PXDN: variants seen among roughly 807,000 people sequenced by gnomAD.
PXDN encodes the protein peroxidasin homolog.
Under a neutral mutation model 140.3 loss-of-function variants are expected in PXDN, and 77 were observed. The observed-to-expected ratio is 0.55, with a 90% confidence interval of 0.46 to 0.66. The LOEUF (loss-of-function observed/expected upper bound fraction) is 0.66. Among genes scored for constraint, PXDN ranks in the 30% least tolerant of loss-of-function variants. PXDN has a pLI of 0.00. For synonymous variants in PXDN, 911 were observed against 857.4 expected (o/e 1.06, Z -1.09); for missense variants, 1,838 against 2,039.5 (o/e 0.90, Z 1.90).
intron 14 of PXDN, among the ~76,000 whole-genome samples, chr2:1,656,114 C>A (rs182137007): frequency 3.3e-5 from 5 of 151,598 alleles, no homozygotes; most frequent in African/African-American, 1.2e-4. Context: ...CAAACACACA[C>A]CCCAAACACC....
At chr2:1,659,060 C>T (rs1372200582) in intron 14 of PXDN, among the ~76,000 whole-genome samples, 3 of 152,224 alleles carry the variant, frequency 2.0e-5, no homozygotes, top group Non-Finnish European at 4.4e-5. Flanking sequence ...GAGTCCAGCC[C>T]ACGAAGGCAT....
intron 17 of PXDN, among the ~76,000 whole-genome samples, chr2:1,646,694 C>T (rs1272728229): frequency 2.6e-5 from 4 of 152,138 alleles, no homozygotes; most frequent in Non-Finnish European, 4.4e-5. Flanking sequence ...CTAACTTCAG[C>T]GTTAAGTAAC....
intron 1 of PXDN, among the ~76,000 whole-genome samples, chr2:1,717,048 A>C (rs1684911747): frequency 1.3e-5 from 2 of 152,082 alleles, no homozygotes; most frequent in African/African-American, 4.8e-5. Flanking sequence ...AACACTCCCC[A>C]TTTTTAACTT....
At chr2:1,680,614 G>T (rs2125441621) in intron 6 of PXDN, among the ~76,000 whole-genome samples, 1 of 152,332 alleles carries the variant, frequency 6.6e-6, no homozygotes, top group Non-Finnish European at 1.5e-5. Flanking sequence ...AACCGTAGAG[G>T]CGTGAGTAGC....
intron 14 of PXDN, among the ~76,000 whole-genome samples, chr2:1,659,792 C>A (rs1035489304): frequency 6.6e-6 from 1 of 152,190 alleles, no homozygotes; most frequent in Admixed American, 6.5e-5. Context: ...TCACTTAAGA[C>A]TTTTCCTAAA....
At chr2:1,662,694 C>T (rs1683334570) in intron 12 of PXDN, among the ~76,000 whole-genome samples, 1 of 152,186 alleles carries the variant, frequency 6.6e-6, no homozygotes, top group Admixed American at 6.5e-5. Flanking sequence ...ATTCTCTATA[C>T]AGGCACCCAG....
In PXDN at chr2:1,680,668, C is replaced by T. The variant is rs562772807; in HGVS notation, c.561-306G>A. Among the ~76,000 whole-genome samples, 71 of 152,256 alleles carry T rather than the reference C, an allele frequency of 4.7e-4. 1 individual carries two copies. Among genetic ancestry groups the T allele is most frequent in the Middle Eastern group, 3.4e-3 (1 of 294 alleles). ...CAGGCATCGGGTGTCGAGCTCAAGGCGAGGGAGTGTGCCAGCGGCACAGGT... is the reference window on the plus strand; with the variant it reads ...CAGGCATCGGGTGTCGAGCTCAAGGTGAGGGAGTGTGCCAGCGGCACAGGT... On this transcript the variant is annotated intron_variant, in intron 6 of 22. Coordinates refer to ENST00000252804, the MANE Select transcript of PXDN (RefSeq NM_012293.3).
intron 1 of PXDN, among the ~76,000 whole-genome samples, chr2:1,701,293 G>T (rs1338442323): frequency 1.3e-5 from 2 of 152,222 alleles, no homozygotes; most frequent in Non-Finnish European, 2.9e-5. Context: ...TGCACTTGGG[G>T]TGAATGTCAG....
At chr2:1,673,918 C>G in intron 8 of PXDN, 106 bp from the exon 9 acceptor site, 1 of 1,234,646 alleles carries the variant, frequency 8.1e-7, no homozygotes, top group Non-Finnish European at 1.1e-6. Context: ...ACAACTTGTG[C>G]GAGGAACAGC....
chr2:1,719,443 C>A (rs115266028), intron 1 of PXDN, among the ~76,000 whole-genome samples: 2 of 152,200 alleles, frequency 1.3e-5, no homozygotes, highest in Admixed American at 6.5e-5. Flanking sequence ...GTACATGGAA[C>A]CTAAGAGGGG....
chr2:1,643,839 G>A (rs1463488452), intron 18 of PXDN, among the ~76,000 whole-genome samples: 2 of 152,054 alleles, frequency 1.3e-5, no homozygotes, highest in Non-Finnish European at 2.9e-5. Context: ...TTGGGAGGCC[G>A]AGGTGGGCGG....
intron 1 of PXDN, among the ~76,000 whole-genome samples, chr2:1,733,435 G>A (rs911983572): frequency 2.6e-5 from 4 of 152,144 alleles, no homozygotes; most frequent in East Asian, 1.9e-4. Flanking sequence ...AACAATGTGA[G>A]AGGACATTTT....
rs373685796 is a variant in PXDN, at chr2:1,649,449, G to A, written c.2331C>T (p.Thr777=). The change falls in exon 17 of 23, where the codon ACC becomes ACT. Residue 777 remains threonine, a synonymous_variant. Transcript: ENST00000252804. The surrounding 1 kb of genome is among the most constrained non-coding windows in gnomAD (Gnocchi z 7.1). ...LKSVYENGFN[T]PRGINPHRLY... is the part of the protein sequence containing the mutation. ...GTCGGTGGGGGTTGATGCCCCGAGG[G>A]GTGTTGAAGCCATTCTCGTACACGG... 3.0e-5 allele frequency: 48 copies of A among 1,613,978 alleles called. No homozygotes were observed. The African/African-American group carries it at 3.6e-4, about 12-fold the overall frequency.
intron 7 of PXDN, among the ~76,000 whole-genome samples, chr2:1,679,749 T>C (rs1278869513): frequency 1.3e-5 from 2 of 150,490 alleles, no homozygotes; most frequent in East Asian, 2.0e-4. Context: ...TGTGCGTGTA[T>C]GTGCGTGTGT....
chr2:1,741,674 C>T (rs550721698), intron 1 of PXDN, among the ~76,000 whole-genome samples: 9 of 152,134 alleles, frequency 5.9e-5, no homozygotes, highest in Non-Finnish European at 1.3e-4. Flanking sequence ...AGGTGAGTCT[C>T]TAAAAGCAAA....
At chr2:1,643,259 T>C in intron 19 of PXDN, 109 bp downstream of exon 19, 2 of 1,147,592 alleles carry the variant, frequency 1.7e-6, no homozygotes, top group South Asian at 2.9e-5. Context: ...GAATATTTTG[T>C]TTTCAGTTTT....
intron 1 of PXDN, among the ~76,000 whole-genome samples, chr2:1,735,649 C>G (rs1355441202): frequency 1.3e-5 from 2 of 152,140 alleles, no homozygotes; most frequent in Non-Finnish European, 2.9e-5. Flanking sequence ...GTCATCCAGG[C>G]CTTGTTTTTC....
At chr2:1,681,597 G>T (rs985916667) in intron 6 of PXDN, among the ~76,000 whole-genome samples, 1 of 152,144 alleles carries the variant, frequency 6.6e-6, no homozygotes, top group African/African-American at 2.4e-5. Flanking sequence ...CCCATCCGAG[G>T]TTCTCCCAGA....
intron 7 of PXDN, among the ~76,000 whole-genome samples, chr2:1,678,072 G>C (rs567631368): frequency 6.6e-6 from 1 of 152,152 alleles, no homozygotes; most frequent in African/African-American, 2.4e-5. Flanking sequence ...TGCACAGCCC[G>C]GGTCAGGAGG....
Sources: gnomAD v4.1 joint callset for allele counts (sites outside exome capture counted in the v4.1 genomes callset) on GRCh38, gnomAD v4.1.1 for gene constraint, Gnocchi (gnomAD v3.1) non-coding constraint, MANE v1.5 for transcripts, NCBI Gene and HGNC (gene_info 2026-07-23, HGNC 2026-07-21) for gene names.